Variants in CLEC16A observed in about 807,000 individuals in gnomAD.
CLEC16A encodes protein CLEC16A.
In CLEC16A, 51 loss-of-function variants were observed where a neutral mutation model predicts 109.5. The observed-to-expected ratio is 0.47, with a 90% CI of 0.37 to 0.59. The LOEUF (loss-of-function observed/expected upper bound fraction) is 0.59. Among genes scored for constraint, CLEC16A ranks in the 20% least tolerant of loss-of-function variants. The pLI is 0.00. For missense variants in CLEC16A, 1,339 were observed against 1,394.0 expected (o/e 0.96, Z 0.63); for synonymous variants, 673 against 564.2 (o/e 1.19, Z -2.73).
chr16:11,045,785 C>G (rs1219491123), intron 16 of CLEC16A, among the ~76,000 whole-genome samples: 1 of 152,180 alleles, frequency 6.6e-6, no homozygotes, highest in Non-Finnish European at 1.5e-5. Flanking sequence ...TTCCTTGTCC[C>G]CTGTACTTTC....
intron 11 of CLEC16A, among the ~76,000 whole-genome samples, chr16:11,006,080 G>A (rs1474615020): frequency 6.6e-6 from 1 of 152,122 alleles, no homozygotes; most frequent in Non-Finnish European, 1.5e-5. Context: ...TGGGAAGCTT[G>A]GACAGGGCTG....
At chr16:10,981,611 A>G (rs1178425588) in intron 9 of CLEC16A, among the ~76,000 whole-genome samples, 1 of 152,126 alleles carries the variant, frequency 6.6e-6, no homozygotes, top group Non-Finnish European at 1.5e-5. Flanking sequence ...ACCCAACTGC[A>G]CTCCCCAGAG....
chr16:10,986,866 T>C (rs1331998307), intron 10 of CLEC16A, among the ~76,000 whole-genome samples: 1 of 152,036 alleles, frequency 6.6e-6, no homozygotes, highest in East Asian at 1.9e-4. Context: ...TTGTTTTGTT[T>C]TGTTTTTGAC....
chr16:11,170,233 G>A lies in CLEC16A; in HGVS notation c.2806+3681G>A, dbSNP rs540892210. Among the ~76,000 whole-genome samples, 10 of 152,242 alleles carry A rather than the reference G, an allele frequency of 6.6e-5. No homozygotes were observed. The South Asian group carries it at 8.3e-4, about 13-fold the overall frequency. ...CTCTAGGGCCCAAGTGAAAAGTCACGGCCCCACTCGTGAAGGCCTGCTAAC... is the reference window on the plus strand; with the variant it reads ...CTCTAGGGCCCAAGTGAAAAGTCACAGCCCCACTCGTGAAGGCCTGCTAAC... On this transcript the variant is annotated intron_variant, in intron 23 of 23. Coordinates refer to ENST00000409790, the MANE Select transcript of CLEC16A (RefSeq NM_015226.3).
intron 22 of CLEC16A, among the ~76,000 whole-genome samples, chr16:11,149,622 T>C (rs1439873654): frequency 6.6e-6 from 1 of 151,902 alleles, no homozygotes; most frequent in Non-Finnish European, 1.5e-5. Context: ...CAAAACCCCA[T>C]CTCCACTAAA....
At chr16:11,072,043 G>A (rs2049103512) in intron 19 of CLEC16A, among the ~76,000 whole-genome samples, 2 of 152,072 alleles carry the variant, frequency 1.3e-5, no homozygotes. Context: ...TGTGTGTGCG[G>A]GTATAATGAG....
chr16:11,014,541 A>G (rs2045625842), intron 11 of CLEC16A, among the ~76,000 whole-genome samples: 1 of 152,268 alleles, frequency 6.6e-6, no homozygotes, highest in South Asian at 2.1e-4. Flanking sequence ...AAAAAAAGTA[A>G]TAGTTCAAAT....
chr16:10,955,508 C>T (rs1270019174), intron 1 of CLEC16A, among the ~76,000 whole-genome samples: 1 of 152,102 alleles, frequency 6.6e-6, no homozygotes, highest in Non-Finnish European at 1.5e-5. Context: ...GCATGGGGAA[C>T]GCTTTACCAA....
At chr16:11,154,061 C>T (rs543438344) in intron 22 of CLEC16A, among the ~76,000 whole-genome samples, 1 of 152,342 alleles carries the variant, frequency 6.6e-6, no homozygotes, top group Non-Finnish European at 1.5e-5. Context: ...GAGAGAGGAA[C>T]ACACACAGGT....
At position 10,972,514 on chromosome 16, in the gene CLEC16A, G is replaced by T. The variant is rs200087815; in HGVS notation, c.599-40G>T. 1.5e-4 allele frequency: 234 copies of T among 1,605,776 alleles called. 1 individual carries two copies. Among genetic ancestry groups the T allele is most frequent in the Middle Eastern group, 1.6e-4 (1 of 6,072 alleles). On this transcript the variant is annotated intron_variant, in intron 5 of 23. Transcript: ENST00000409790. ...CCCTGTTAACTGTTGTCTGTTTTTT[G>T]CTTTTCCTTCAATGACGATTCCTGT...
At chr16:11,155,857 G>A (rs1181798034) in intron 22 of CLEC16A, among the ~76,000 whole-genome samples, 1 of 152,196 alleles carries the variant, frequency 6.6e-6, no homozygotes, top group Non-Finnish European at 1.5e-5. Context: ...GGTGCTCTCT[G>A]CCTTGGGTGC....
At chr16:11,043,981 A>G in intron 15 of CLEC16A, 47 bp from the exon 16 acceptor site, 1 of 1,510,142 alleles carries the variant, frequency 6.6e-7, no homozygotes, top group Non-Finnish European at 9.0e-7. Context: ...CGACTTGCTC[A>G]CCTATATGAG....
intron 19 of CLEC16A, among the ~76,000 whole-genome samples, chr16:11,075,378 C>CTGTGTG (rs373865850): frequency 0.014 from 1,863 of 134,658 alleles, 17 homozygotes; most frequent in Non-Finnish European, 0.019. Context: ...TTGGATATGT[C>CTGTGTG]TGTGTGTGTG....
At chr16:11,007,898 C>T (rs1461190200) in intron 11 of CLEC16A, among the ~76,000 whole-genome samples, 1 of 152,044 alleles carries the variant, frequency 6.6e-6, no homozygotes, top group Non-Finnish European at 1.5e-5. Flanking sequence ...GTGGGGCTGT[C>T]AGGTTTTCAG....
At chr16:11,032,962 C>CT (rs2046828780) in intron 13 of CLEC16A, among the ~76,000 whole-genome samples, 1 of 152,074 alleles carries the variant, frequency 6.6e-6, no homozygotes, top group African/African-American at 2.4e-5. Context: ...GAAACGTTGG[C>CT]TACCAGACAG....
chr16:11,048,637 T>A (rs1022173713), intron 17 of CLEC16A: 1 of 152,140 alleles, frequency 6.6e-6, no homozygotes, highest in African/African-American at 2.4e-5. Flanking sequence ...CGTGGAGCCT[T>A]TTCAGGGGAA....
chr16:10,998,244 C>A (rs1355959128), intron 10 of CLEC16A, among the ~76,000 whole-genome samples: 2 of 152,192 alleles, frequency 1.3e-5, no homozygotes, highest in Non-Finnish European at 2.9e-5. Context: ...AGTAGTTAGG[C>A]CCCGGGGCAC....
chr16:11,095,632 T>TA (rs555509310), intron 19 of CLEC16A, among the ~76,000 whole-genome samples: 183 of 151,986 alleles, frequency 1.2e-3, no homozygotes, highest in African/African-American at 4.1e-3. Context: ...GCCAACATGG[T>TA]AAAACCCCAT....
chr16:11,143,754 A>G (rs938620322), intron 22 of CLEC16A, among the ~76,000 whole-genome samples: 2 of 152,182 alleles, frequency 1.3e-5, no homozygotes, highest in Admixed American at 1.3e-4. Context: ...CCATTCATGC[A>G]TTAGCTCATC....
Sources: gnomAD v4.1 joint callset for allele counts (sites outside exome capture counted in the v4.1 genomes callset) on GRCh38, gnomAD v4.1.1 for gene constraint, MANE v1.5 for transcripts, NCBI Gene and HGNC (gene_info 2026-07-23, HGNC 2026-07-21) for gene names.